CCAR1: variants seen among roughly 807,000 people sequenced by gnomAD.
CCAR1 encodes cell division cycle and apoptosis regulator 1.
In CCAR1, 78 loss-of-function variants were observed where a neutral mutation model predicts 163.8. The ratio of observed to expected loss-of-function variants is 0.48; its 90% CI spans 0.40 to 0.57. CCAR1 has a LOEUF of 0.57. CCAR1 is among the 20% of genes least tolerant of loss of function. The pLI, the probability that CCAR1 is intolerant of heterozygous loss-of-function variation, is 0.00. For synonymous variants in CCAR1, 443 were observed against 460.7 expected, an observed-to-expected ratio of 0.96 and a Z score of 0.49; for missense variants, 1,019 against 1,365.2, an observed-to-expected ratio of 0.75 and a Z score of 4.00.
intron 19 of CCAR1, among the ~76,000 whole-genome samples, chr10:68,783,110 C>G (rs2056755883): frequency 6.7e-6 from 1 of 150,154 alleles, no homozygotes; most frequent in African/African-American, 2.5e-5. Flanking sequence ...CTCAAATTAT[C>G]TCCCACCTCA....
chr10:68,747,144 T>C lies in CCAR1; in HGVS notation c.519-17T>C, dbSNP rs751684169. The C allele has an allele frequency of 1.8e-5, 23 of 1,282,738 alleles. No individual in the cohort carries two copies. Among genetic ancestry groups the C allele is most frequent in the Admixed American group, 7.0e-5 (3 of 43,004 alleles). The allele number at this position is 1,282,738 out of a possible 1,614,324, so 79.5% of individuals were successfully genotyped here. A position where few individuals can be genotyped will look rare whatever the true frequency, so the allele number is the denominator to read the frequency against. ...TTGTATTTATATTTAACTTTTTTTTTCTTTTTTTTTTTACAGTGCTGTCAA... is the reference window on the plus strand; with the variant it reads ...TTGTATTTATATTTAACTTTTTTTTCCTTTTTTTTTTTACAGTGCTGTCAA... On this transcript the variant is annotated splice_polypyrimidine_tract_variant and intron_variant, in intron 6 of 24. Transcript: ENST00000265872.
Position 68,773,040 on chromosome 10 carries a change from A to G in CCAR1, c.2591A>G (p.Asp864Gly), listed in dbSNP as rs759250463. The G allele has an allele frequency of 1.9e-5, 29 of 1,566,110 alleles. No homozygotes were observed. The highest frequency in any genetic ancestry group is 2.5e-5 in the Non-Finnish European group (29 of 1,149,770). The change falls in exon 19 of 25, where the codon GAT becomes GGT. Residue 864 changes from aspartate (D) to glycine (G), a missense_variant. Coordinates refer to ENST00000265872, the MANE Select transcript of CCAR1 (RefSeq NM_018237.4). The part of the protein sequence containing the change: ...DSKDDDETEE[D>G]NNQDEYDPME... ...AAAGATGATGATGAAACTGAAGAAG[A>G]TAACAATCAAGATGAATATGACCCT...
intron 4 of CCAR1, 51 bp downstream of exon 4, chr10:68,737,940 T>C: frequency 8.2e-7 from 1 of 1,224,758 alleles, no homozygotes; most frequent in Non-Finnish European, 1.2e-6. Flanking sequence ...AGCCATTTGC[T>C]CCAAAGTTCA....
At chr10:68,759,299 C>CAGGGA in intron 15 of CCAR1, 1 of 152,530 alleles carries the variant, frequency 6.6e-6, no homozygotes, top group Non-Finnish European at 1.5e-5. Context: ...CCTGTAGTCC[C>CAGGGA]AGCTACTTGG....
chr10:68,765,991 C>T lies in CCAR1; in HGVS notation c.2210C>T (p.Ala737Val), dbSNP rs747411966. ...PAIIVHPNWA[A>V]KSGKFDCSIM... ...ATCATTGTACATCCAAATTGGGCTGCAAAAAGTGGCAAGTTTGATTGTAGC... is the reference window on the plus strand; with the variant it reads ...ATCATTGTACATCCAAATTGGGCTGTAAAAAGTGGCAAGTTTGATTGTAGC... Residue 737 changes from alanine to valine, a missense_variant, in exon 17 of 25, where the codon GCA becomes GTA. By Grantham distance (64) the Ala-to-Val change is moderately conservative. Around this residue, in one of 4 missense-constraint regions of CCAR1, gnomAD observed 644 missense variants for 904.4 expected, o/e 0.71. Coordinates refer to ENST00000265872, the MANE Select transcript of CCAR1 (RefSeq NM_018237.4). 2 of 1,613,800 alleles carry T rather than the reference C, an allele frequency of 1.2e-6. No individual in the cohort carries two copies. Among genetic ancestry groups the T allele is most frequent in the Non-Finnish European group, 8.5e-7 (1 of 1,179,822 alleles).
At chr10:68,773,978 C>T (rs922179899) in intron 19 of CCAR1, among the ~76,000 whole-genome samples, 14 of 151,946 alleles carry the variant, frequency 9.2e-5, no homozygotes, top group Middle Eastern at 3.2e-3. Flanking sequence ...CCGCAACCTC[C>T]GCCTCCCGGG....
chr10:68,728,740 A>G (rs1009965882), intron 2 of CCAR1, among the ~76,000 whole-genome samples: 7 of 152,148 alleles, frequency 4.6e-5, no homozygotes, highest in Admixed American at 3.9e-4. Flanking sequence ...GGATCACCTG[A>G]GGTCAGGAGT....
chr10:68,723,005 CT>C (rs1246958634), intron 2 of CCAR1, among the ~76,000 whole-genome samples: 2 of 151,940 alleles, frequency 1.3e-5, no homozygotes, highest in African/African-American at 4.8e-5. Context: ...AATTCATTAA[CT>C]TTCTCTGTGA....
chr10:68,730,719 C>T (rs2056026253), intron 2 of CCAR1, among the ~76,000 whole-genome samples: 1 of 152,018 alleles, frequency 6.6e-6, no homozygotes, highest in Admixed American at 6.6e-5. Flanking sequence ...TGAGACAGGG[C>T]CTCACTTTGT....
intron 2 of CCAR1, among the ~76,000 whole-genome samples, chr10:68,731,492 G>A (rs1442824048): frequency 2.6e-5 from 4 of 151,640 alleles, no homozygotes; most frequent in Non-Finnish European, 4.4e-5. Context: ...TAAGTACCTG[G>A]TAGTGTGAAG....
intron 19 of CCAR1, among the ~76,000 whole-genome samples, chr10:68,777,845 T>A (rs923146290): frequency 2.6e-5 from 4 of 151,980 alleles, no homozygotes; most frequent in African/African-American, 9.7e-5. Flanking sequence ...GCTGGTAGGA[T>A]CACTTGAGCC....
intron 20 of CCAR1, 112 bp from the exon 21 acceptor site, chr10:68,786,434 C>A: frequency 1.3e-6 from 1 of 792,842 alleles, no homozygotes; most frequent in Non-Finnish European, 2.0e-6. Context: ...TAGGATGAGG[C>A]AAATATCTTA....
chr10:68,769,713 G>A (rs1256203990), intron 17 of CCAR1, among the ~76,000 whole-genome samples: 9 of 151,628 alleles, frequency 5.9e-5, no homozygotes, highest in South Asian at 2.1e-4. Flanking sequence ...AGGCCGAGGC[G>A]GGGGGATCAT....
At chr10:68,781,331 TC>T (rs1476514913) in intron 19 of CCAR1, among the ~76,000 whole-genome samples, 1 of 151,946 alleles carries the variant, frequency 6.6e-6, no homozygotes, top group Admixed American at 6.6e-5. Context: ...TCACCTGAGA[TC>T]AGGAGTTTGA....
At chr10:68,726,857 A>T (rs988504027) in intron 2 of CCAR1, among the ~76,000 whole-genome samples, 8 of 151,536 alleles carry the variant, frequency 5.3e-5, no homozygotes, top group Admixed American at 5.3e-4. Flanking sequence ...TTAGCCGGAC[A>T]TAGTGGTGTG....
chr10:68,791,234 C>G lies in CCAR1; in HGVS notation c.3421C>G (p.Gln1141Glu). Residue 1141 changes from glutamine to glutamate, a missense_variant, in exon 25 of 25, where the codon CAA becomes GAA. Gln to Glu is a conservative substitution (Grantham distance 29). Transcript: ENST00000265872. ...KDNVKNEDKD[Q>E]KSKENGASV ...TAATGTAAAGAATGAAGACAAAGAT[C>G]AAAAATCCAAGGAGAATGGTGCCAG... 6.3e-7 allele frequency: 1 copy of G among 1,598,188 alleles called. No homozygotes were observed. Among genetic ancestry groups the G allele is most frequent in the Middle Eastern group, 1.7e-4 (1 of 6,000 alleles).
chr10:68,771,480 T>G lies in CCAR1; in HGVS notation c.2538+35T>G, dbSNP rs149003312. On this transcript the variant is annotated intron_variant, in intron 18 of 24. Coordinates refer to ENST00000265872, the MANE Select transcript of CCAR1 (RefSeq NM_018237.4). ...AACAACCTGCTTTAGAAGCTTTCAG[T>G]TACTCTTCTAGGTTATAAAGGTTGA... 5.8e-3 allele frequency: 8,777 copies of G among 1,521,746 alleles called. 38 individuals carry two copies. The highest frequency in any genetic ancestry group is 6.7e-3 in the Non-Finnish European group (7,528 of 1,122,246). The allele number at this position is 1,521,746 out of a possible 1,614,324, so 94.3% of individuals were successfully genotyped here.
At chr10:68,734,620 C>T (rs1312772205) in intron 2 of CCAR1, among the ~76,000 whole-genome samples, 1 of 152,264 alleles carries the variant, frequency 6.6e-6, no homozygotes, top group East Asian at 1.9e-4. Flanking sequence ...GTGCCTCAGC[C>T]TCCTGAGGTA....
At chr10:68,772,639 T>C (rs1208731852) in intron 18 of CCAR1, among the ~76,000 whole-genome samples, 7 of 151,842 alleles carry the variant, frequency 4.6e-5, no homozygotes, top group Non-Finnish European at 1.0e-4. Context: ...ACACCTGTAA[T>C]CCCAGCACTT....
Sources: allele counts gnomAD v4.1 joint callset (sites outside exome capture counted in the v4.1 genomes callset), GRCh38; gene constraint gnomAD v4.1.1; regional missense constraint gnomAD v4.1.1; transcripts MANE v1.5; gene names NCBI Gene and HGNC (gene_info 2026-07-23, HGNC 2026-07-21).